The following DAGLB variants were observed in gnomAD, a reference collection of about 807,000 sequenced individuals.
DAGLB encodes the protein diacylglycerol lipase-beta.
A neutral mutation model predicts 72.1 loss-of-function variants in DAGLB; 66 were observed. The observed-to-expected ratio is 0.92, with a 90% CI of 0.75 to 1.12. The LOEUF (loss-of-function observed/expected upper bound fraction) is 1.12, where lower values mean the gene tolerates loss of function less well. Ranked by LOEUF, DAGLB falls within the 50% of genes most tolerant of loss-of-function variation. DAGLB has a pLI of 0.00. For missense variants in DAGLB, 1,065 were observed against 884.9 expected, an observed-to-expected ratio of 1.20 and a Z score of -2.58; for synonymous variants, 414 against 359.5, an observed-to-expected ratio of 1.15 and a Z score of -1.71.
At chr7:6,422,146 T>C in intron 8 of DAGLB, 1 of 378,098 alleles carries the variant, frequency 2.6e-6, no homozygotes, top group South Asian at 2.0e-5. Flanking sequence ...GTTCCCGTCC[T>C]CAGGAGCCCC....
rs1055428 is a variant in DAGLB, at chr7:6,416,716, G to A, written c.1338C>T (p.Gly446=). The A allele has an allele frequency of 3.1e-6, 5 of 1,613,284 alleles. No homozygotes were observed. Among genetic ancestry groups the A allele is most frequent in the East Asian group, 4.5e-5 (2 of 44,846 alleles). ...TGGTGGCCAGCAGGGCGGCCGCCCC[G>A]CCCCCGAGGCTGTGGCCCACTATGA... The part of the protein sequence containing the change: ...RLVIVGHSLG[G]GAAALLATML... Residue 446 remains glycine (G), a synonymous_variant, in exon 11 of 15, where the codon GGC becomes GGT. Transcript: ENST00000297056.
Position 6,446,054 on chromosome 7 carries a change from C to G in DAGLB, c.146G>C (p.Cys49Ser). ...ACTGCTGAGCAAGGCTCCACCAGCA[C>G]AGTCCAGCTTTCCTCTGTGCATGAG... ...LYLMHRGKLDCAGGALLSSYL... is the reference protein window; with the variant it reads ...LYLMHRGKLDSAGGALLSSYL... Residue 49 changes from cysteine (C) to serine (S), a missense_variant, in exon 2 of 15, where the codon TGT becomes TCT. Physicochemically the swap from Cys to Ser is moderately radical, Grantham distance 112 (BLOSUM62 -1). Transcript: ENST00000297056. 1 of 1,612,972 alleles carries G rather than the reference C, an allele frequency of 6.2e-7. No homozygotes were observed. The highest frequency in any genetic ancestry group is 8.5e-7 in the Non-Finnish European group (1 of 1,179,762).
intron 9 of DAGLB, among the ~76,000 whole-genome samples, chr7:6,420,020 G>A (rs1168946339): frequency 2.6e-5 from 4 of 152,164 alleles, no homozygotes; most frequent in East Asian, 3.9e-4. Flanking sequence ...GGTGGCACAC[G>A]CCTGTAATCC....
At chr7:6,418,409 A>G (rs1783988240) in intron 9 of DAGLB, among the ~76,000 whole-genome samples, 2 of 152,030 alleles carry the variant, frequency 1.3e-5, no homozygotes, top group Non-Finnish European at 2.9e-5. Context: ...AAGAAAAAAA[A>G]TAAAGCCATT....
chr7:6,430,282 TGC>T (rs1784444259), intron 6 of DAGLB, among the ~76,000 whole-genome samples, 196 bp downstream of exon 6: 37 of 105,778 alleles, frequency 3.5e-4, no homozygotes, highest in South Asian at 1.7e-3. Flanking sequence ...TATATATATA[TGC>T]AGGGGGGAGG....
chr7:6,444,230 G>A (rs959307316), intron 2 of DAGLB, among the ~76,000 whole-genome samples: 3 of 152,138 alleles, frequency 2.0e-5, no homozygotes, highest in African/African-American at 4.8e-5. Context: ...CTATGATTGC[G>A]CCACTGCCCT....
intron 8 of DAGLB, chr7:6,422,297 G>C: frequency 3.5e-6 from 1 of 282,460 alleles, no homozygotes; most frequent in Non-Finnish European, 7.2e-6. Flanking sequence ...CAGACCCGAA[G>C]GAAGAGGTTG....
chr7:6,424,899 GGAGCCC>G, intron 7 of DAGLB, 64 bp from the exon 8 acceptor site: 1 of 1,545,182 alleles, frequency 6.5e-7, no homozygotes, highest in Non-Finnish European at 8.9e-7. Flanking sequence ...ACGCAAAGTC[GGAGCCC>G]TGCAGTGTCT....
chr7:6,436,533 C>T lies in DAGLB; in HGVS notation c.248G>A (p.Gly83Glu). 1 of 1,613,366 alleles carries T rather than the reference C, an allele frequency of 6.2e-7. No homozygotes were observed. The highest frequency in any genetic ancestry group is 1.1e-5 in the South Asian group (1 of 90,882). The stretch of plus-strand genomic sequence containing the variant: ...CCGCGGTCCAGGGTTACAAATCGTT[C>T]CTGAAATACAAAAAACGTTCCGACT... Reference protein sequence around the residue: ...VSAIMCVSMRGTICNPGPRKS... With the variant: ...VSAIMCVSMRETICNPGPRKS... Residue 83 changes from glycine (G) to glutamate (E), a missense_variant and splice_region_variant, in exon 3 of 15, where the codon GGA (glycine) becomes GAA (glutamate). Transcript: ENST00000297056.
Position 6,412,952 on chromosome 7 carries a change from C to T in DAGLB, c.1496+14G>A, listed in dbSNP as rs548461410. On this transcript the variant is annotated intron_variant, in intron 12 of 14. Coordinates refer to ENST00000297056, the MANE Select transcript of DAGLB (RefSeq NM_139179.4). ...CAACCCCCCAGCCCTGGGCACAGCA[C>T]CAGGTGGGCTTACCTGGGAATCACA... The T allele has an allele frequency of 6.2e-6, 10 of 1,613,872 alleles. No individual in the cohort carries two copies. In the South Asian group the frequency reaches 8.8e-5, roughly 14 times the overall value.
chr7:6,416,725 G>A lies in DAGLB; in HGVS notation c.1329C>T (p.Ser443=), dbSNP rs560143142. The A allele has an allele frequency of 6.2e-7, 1 of 1,613,752 alleles. No homozygotes were observed. The highest frequency in any genetic ancestry group is 2.2e-5 in the East Asian group (1 of 44,868). The change falls in exon 11 of 15, where the codon AGC becomes AGT. Residue 443 remains serine (S), a synonymous_variant. Coordinates refer to ENST00000297056, the MANE Select transcript of DAGLB (RefSeq NM_139179.4). ...GCAGGGCGGCCGCCCCGCCCCCGAG[G>A]CTGTGGCCCACTATGACCAGCCGGT... The part of the protein sequence containing the change: ...PEYRLVIVGH[S]LGGGAAALLA...
intron 3 of DAGLB, chr7:6,435,460 G>T (rs836536): frequency 0.52 from 79,941 of 153,672 alleles, 21,811 homozygotes; most frequent in East Asian, 0.91. Flanking sequence ...CACTCCAGCC[G>T]GGCGACAGAG....
At position 6,409,893 on chromosome 7, in the gene DAGLB, T is replaced by C; in HGVS notation, c.1963A>G (p.Arg655Gly). ...MRALDSVVSD[R>G]AACVSCPAQG... ...GCTGGACAGGAGACGCAGGCCGCTC[T>C]GTCGGAGACCACGCTGTCCAAGGCC... Residue 655 changes from arginine (R) to glycine (G), a missense_variant, in exon 15 of 15, where the codon AGA becomes GGA. Transcript: ENST00000297056. The C allele has an allele frequency of 6.2e-7, 1 of 1,614,114 alleles. No individual in the cohort carries two copies. Among genetic ancestry groups the C allele is most frequent in the Non-Finnish European group, 8.5e-7 (1 of 1,180,038 alleles).
intron 2 of DAGLB, among the ~76,000 whole-genome samples, chr7:6,441,421 CTTTTTTTTTTTTTT>C (rs1281678702): frequency 9.4e-6 from 1 of 106,286 alleles, no homozygotes; most frequent in Admixed American, 1.0e-4. Flanking sequence ...ACATTTTTTT[CTTTTTTTTTTTTTT>C]GAGACAGAGT....
intron 4 of DAGLB, among the ~76,000 whole-genome samples, chr7:6,433,281 C>T (rs538552059): frequency 8.0e-4 from 122 of 152,244 alleles, no homozygotes; most frequent in Middle Eastern, 6.8e-3. Context: ...GATAAATTGT[C>T]CGTTTTTGTA....
At position 6,438,537 on chromosome 7, in the gene DAGLB, A is replaced by T. The variant is rs115869753; in HGVS notation, c.248-2004T>A. Among the ~76,000 whole-genome samples, 1,342 of 152,086 alleles carry T rather than the reference A, an allele frequency of 8.8e-3. 22 individuals carry two copies. Among genetic ancestry groups the T allele is most frequent in the African/African-American group, 0.031 (1,287 of 41,510 alleles). On this transcript the variant is annotated intron_variant, in intron 2 of 14. Coordinates refer to ENST00000297056, the MANE Select transcript of DAGLB (RefSeq NM_139179.4). ...TATATTTGGAGCTTGTTATAACAAT[A>T]GCCAAACACCCCAGAGAAACAGGAA...
At chr7:6,447,421 G>GT in intron 1 of DAGLB, among the ~76,000 whole-genome samples, 1 of 152,324 alleles carries the variant, frequency 6.6e-6, no homozygotes, top group South Asian at 2.1e-4. Context: ...TTTGCCGGCG[G>GT]TAACACCCTC....
At chr7:6,426,555 C>A (rs962363157) in intron 6 of DAGLB, among the ~76,000 whole-genome samples, 5 of 152,194 alleles carry the variant, frequency 3.3e-5, no homozygotes, top group African/African-American at 1.2e-4. Flanking sequence ...TAAGCGTGAG[C>A]CACTGCACTG....
At chr7:6,439,054 A>G (rs1015932589) in intron 2 of DAGLB, among the ~76,000 whole-genome samples, 2 of 152,032 alleles carry the variant, frequency 1.3e-5, no homozygotes, top group African/African-American at 4.8e-5. Context: ...CAGGAGTTTG[A>G]GACCAGCCTG....
Sources: gnomAD v4.1 joint callset for allele counts (sites outside exome capture counted in the v4.1 genomes callset) on GRCh38, gnomAD v4.1.1 for gene constraint, MANE v1.5 for transcripts, NCBI Gene and HGNC (gene_info 2026-07-23, HGNC 2026-07-21) for gene names.